Variants in GASK1B observed in about 807,000 individuals in gnomAD.
GASK1B encodes Golgi-associated kinase 1B.
Under a neutral mutation model 42.8 loss-of-function variants are expected in GASK1B, and 34 were observed. The ratio of observed to expected loss-of-function variants is 0.79; its 90% CI spans 0.60 to 1.06. The LOEUF (loss-of-function observed/expected upper bound fraction) is 1.06. Among genes scored for constraint, GASK1B ranks in the 50% least tolerant of loss-of-function variants. The pLI, the probability that GASK1B is intolerant of heterozygous loss-of-function variation, is 0.00. For synonymous variants in GASK1B, 262 were observed against 259.1 expected (o/e 1.01, Z -0.11); for missense variants, 686 against 661.0 (o/e 1.04, Z -0.42).
chr4:158,133,276 A>C (rs1040832858), intron 3 of GASK1B, among the ~76,000 whole-genome samples: 2 of 152,282 alleles, frequency 1.3e-5, no homozygotes, highest in Non-Finnish European at 2.9e-5. Flanking sequence ...TGTTTTATCT[A>C]GTTACATTAA....
rs1730471076 is a variant in GASK1B, at chr4:158,126,831, A to G, written c.*576T>C. Reference sequence around the variant, plus strand: ...GACTGATTTTTTATAGACACAATAGAAAATATACTGGTGATTTTGCAAATA... The same window carrying G: ...GACTGATTTTTTATAGACACAATAGGAAATATACTGGTGATTTTGCAAATA... On this transcript the variant is annotated 3_prime_UTR_variant, in exon 5 of 5. Coordinates refer to ENST00000585682, the MANE Select transcript of GASK1B (RefSeq NM_001128424.2). 1 of 152,208 alleles carries G rather than the reference A, an allele frequency of 6.6e-6. No individual in the cohort carries two copies. The highest frequency in any genetic ancestry group is 1.5e-5 in the Non-Finnish European group (1 of 68,030). 9.4% of individuals were successfully genotyped at this position (152,208 alleles called of 1,614,324 possible).
At chr4:158,167,934 A>C (rs149630020) in intron 2 of GASK1B, among the ~76,000 whole-genome samples, 214 of 152,286 alleles carry the variant, frequency 1.4e-3, no homozygotes, top group African/African-American at 4.8e-3. Flanking sequence ...AAATAGGTGG[A>C]TGGGTAGAGA....
chr4:158,131,202 T>C (rs1579006850), intron 3 of GASK1B, among the ~76,000 whole-genome samples, 190 bp from the exon 4 acceptor site: 2 of 152,326 alleles, frequency 1.3e-5, no homozygotes, highest in Admixed American at 6.5e-5. Flanking sequence ...GTCATAGTTA[T>C]AAGCATTTCC....
intron 3 of GASK1B, among the ~76,000 whole-genome samples, chr4:158,145,222 A>G (rs1235790040): frequency 6.6e-6 from 1 of 152,040 alleles, no homozygotes; most frequent in East Asian, 1.9e-4. Context: ...TGGGAAAAAA[A>G]TAATGCACAG....
chr4:158,141,416 T>C (rs1731110488), intron 3 of GASK1B, among the ~76,000 whole-genome samples: 1 of 151,242 alleles, frequency 6.6e-6, no homozygotes, highest in South Asian at 2.1e-4. Context: ...TCATAAGCTA[T>C]GCCTCTGTAA....
intron 3 of GASK1B, among the ~76,000 whole-genome samples, chr4:158,150,697 A>T (rs1360288380): frequency 6.6e-6 from 1 of 152,206 alleles, no homozygotes; most frequent in African/African-American, 2.4e-5. Flanking sequence ...ACTTCACAGA[A>T]CTAGTACATT....
intron 2 of GASK1B, among the ~76,000 whole-genome samples, chr4:158,165,339 C>G (rs573446227): frequency 1.3e-5 from 2 of 152,200 alleles, no homozygotes; most frequent in African/African-American, 4.8e-5. Flanking sequence ...GATATTTTCA[C>G]TTTTTAAATT....
rs534118358 is a variant in GASK1B, at chr4:158,140,085, T to C, written c.1126-9073A>G. Among the ~76,000 whole-genome samples the C allele has an allele frequency of 3.3e-5, 5 of 152,328 alleles. No homozygotes were observed. The East Asian group carries it at 9.6e-4, about 29-fold the overall frequency. On this transcript the variant is annotated intron_variant, in intron 3 of 4. Transcript: ENST00000585682. ...AAGAGTACAATGACCACCGGTATAG[T>C]TTGGTGCCTGCCTTTATTCATGCTA...
In GASK1B at chr4:158,127,617, G is replaced by A. The variant is rs1176649642; in HGVS notation, c.1353-3C>T. ...CAGAAACTGCAGAAGCTGGAAACCT[G>A]AAAAGATAAAATGATATTTCAATCT... On this transcript the variant is annotated splice_region_variant and splice_polypyrimidine_tract_variant and intron_variant, in intron 4 of 4. Transcript: ENST00000585682. The A allele has an allele frequency of 1.2e-6, 2 of 1,611,062 alleles. No homozygotes were observed. The highest frequency in any genetic ancestry group is 1.7e-6 in the Non-Finnish European group (2 of 1,178,960).
chr4:158,151,979 A>ACC (rs992488314), intron 3 of GASK1B, among the ~76,000 whole-genome samples: 11 of 152,196 alleles, frequency 7.2e-5, no homozygotes, highest in African/African-American at 2.7e-4. Context: ...CACAGCTAGA[A>ACC]TAAAGCAGGC....
In GASK1B at chr4:158,124,968, TTA is replaced by T. The variant is rs1730394956; in HGVS notation, c.*2437_*2438del. 6.6e-6 allele frequency: 1 copy of T among 152,200 alleles called. No individual in the cohort carries two copies. The allele number at this position is 152,200 out of a possible 1,614,324, so 9.4% of individuals were successfully genotyped here. ...GCTTTTGCATGTCTGCTAAGGTAAA[TTA>T]TTATATTATAAGTTTGTTATGAAGT... On this transcript the variant is annotated 3_prime_UTR_variant, in exon 5 of 5. Transcript: ENST00000585682.
At chr4:158,168,674 T>C (rs1171510484) in intron 2 of GASK1B, 1 of 152,096 alleles carries the variant, frequency 6.6e-6, no homozygotes, top group South Asian at 2.1e-4. Flanking sequence ...ACCTAGTCAG[T>C]CCAACTCCAC....
intron 1 of GASK1B, 124 bp from the exon 2 acceptor site, chr4:158,171,723 AATAAAATTT>A (rs1732548740): frequency 5.5e-6 from 1 of 181,976 alleles, no homozygotes; most frequent in Non-Finnish European, 1.1e-5. Flanking sequence ...TGTTTTTAAA[AATAAAATTT>A]AAAAGCATGC....
intron 3 of GASK1B, among the ~76,000 whole-genome samples, chr4:158,147,744 G>C (rs150798327): frequency 5.9e-5 from 9 of 152,110 alleles, no homozygotes; most frequent in Middle Eastern, 3.4e-3. Flanking sequence ...TGTAAGCCAA[G>C]TCAAAAGAAG....
chr4:158,125,866 T>C lies in GASK1B; in HGVS notation c.*1541A>G, dbSNP rs1483556511. 1.3e-5 allele frequency: 2 copies of C among 152,146 alleles called. No individual in the cohort carries two copies. The highest frequency in any genetic ancestry group is 3.9e-4 in the East Asian group (2 of 5,186). 9.4% of individuals were successfully genotyped at this position (152,146 alleles called of 1,614,324 possible). ...TACTTAAAACATTATTTTGACATTT[T>C]GTTCTACAATTGTATCAATTAGATC... On this transcript the variant is annotated 3_prime_UTR_variant, in exon 5 of 5. Transcript: ENST00000585682.
intron 3 of GASK1B, among the ~76,000 whole-genome samples, chr4:158,146,148 T>C (rs1040391115): frequency 2.2e-3 from 22 of 10,074 alleles, no homozygotes; most frequent in African/African-American, 2.9e-3. Context: ...ACTAGTTGTT[T>C]TTTTTTTTCA....
chr4:158,138,138 G>A (rs1441020356), intron 3 of GASK1B, among the ~76,000 whole-genome samples: 1 of 152,134 alleles, frequency 6.6e-6, no homozygotes, highest in Non-Finnish European at 1.5e-5. Flanking sequence ...GATTTCTATA[G>A]CTGCAATGTT....
At chr4:158,131,979 C>G (rs932410671) in intron 3 of GASK1B, among the ~76,000 whole-genome samples, 4 of 152,172 alleles carry the variant, frequency 2.6e-5, no homozygotes, top group Middle Eastern at 3.2e-3. Context: ...TACTGTTACT[C>G]TTGTTGAAAC....
intron 3 of GASK1B, among the ~76,000 whole-genome samples, chr4:158,153,514 TCA>T (rs1180395639): frequency 6.6e-6 from 1 of 151,920 alleles, no homozygotes; most frequent in Non-Finnish European, 1.5e-5. Flanking sequence ...CTCCTAAAAT[TCA>T]CATAGAACCA....
Sources: allele counts gnomAD v4.1 joint callset (sites outside exome capture counted in the v4.1 genomes callset), GRCh38; gene constraint gnomAD v4.1.1; transcripts MANE v1.5; gene names NCBI Gene and HGNC (gene_info 2026-07-23, HGNC 2026-07-21).